Variants in LRP2 observed in about 807,000 individuals in gnomAD.
LRP2 encodes low-density lipoprotein receptor-related protein 2.
Under a neutral mutation model 531.0 loss-of-function variants are expected in LRP2, and 172 were observed. The observed-to-expected ratio is 0.32, with a 90% CI of 0.29 to 0.37. LRP2 has a LOEUF of 0.37. Among genes scored for constraint, LRP2 ranks in the 10% least tolerant of loss-of-function variants. LRP2 has a pLI of 1.00. For missense variants in LRP2, 5,167 were observed against 5,868.3 expected (o/e 0.88, Z 3.90); for synonymous variants, 1,992 against 2,027.6 (o/e 0.98, Z 0.47).
At chr2:169,152,469 C>A (rs888032075) in intron 67 of LRP2, among the ~76,000 whole-genome samples, 2 of 152,138 alleles carry the variant, frequency 1.3e-5, no homozygotes, top group Admixed American at 6.5e-5. Context: ...ATCCAGAACT[C>A]TGTTGGCAAG....
intron 21 of LRP2, 48 bp downstream of exon 21, chr2:169,246,657 C>T (rs778550700): frequency 6.2e-6 from 10 of 1,603,050 alleles, no homozygotes; most frequent in Non-Finnish European, 7.7e-6. Flanking sequence ...TAAAGCCCAC[C>T]TCTACTCTAT....
At chr2:169,178,544 C>T (rs987717705) in intron 52 of LRP2, among the ~76,000 whole-genome samples, 1 of 152,192 alleles carries the variant, frequency 6.6e-6, no homozygotes, top group Admixed American at 6.5e-5. Context: ...ACACAACTTA[C>T]AGGCCTGCAG....
chr2:169,239,831 G>C, intron 25 of LRP2, 56 bp from the exon 26 acceptor site: 1 of 1,455,994 alleles, frequency 6.9e-7, no homozygotes, highest in South Asian at 1.2e-5. Flanking sequence ...TTGCTTCTTT[G>C]ATTCACTCTT....
intron 34 of LRP2, among the ~76,000 whole-genome samples, chr2:169,218,035 A>G (rs1281748304): frequency 6.6e-6 from 1 of 152,162 alleles, no homozygotes; most frequent in African/African-American, 2.4e-5. Context: ...AGACCCTGTA[A>G]CTGCCTCAGC....
chr2:169,337,687 A>C (rs1040587268), intron 1 of LRP2, among the ~76,000 whole-genome samples: 3 of 152,236 alleles, frequency 2.0e-5, no homozygotes, highest in Non-Finnish European at 4.4e-5. Context: ...TAACTCAAAG[A>C]ACTCCTTCCA....
At position 169,206,420 on chromosome 2, in the gene LRP2, A is replaced by G; in HGVS notation, c.7300T>C (p.Tyr2434His). 6.2e-7 allele frequency: 1 copy of G among 1,614,156 alleles called. No homozygotes were observed. The highest frequency in any genetic ancestry group is 8.5e-7 in the Non-Finnish European group (1 of 1,179,980). ...CCAGAGGCTAAATTTTGTGTGAAGTAGATTCTATCACTTACACTGTCATAG... is the reference window on the plus strand; with the variant it reads ...CCAGAGGCTAAATTTTGTGTGAAGTGGATTCTATCACTTACACTGTCATAG... ...LDYDSVSDRIYFTQNLASGVG... is the reference protein window; with the variant it reads ...LDYDSVSDRIHFTQNLASGVG... The change falls in exon 39 of 79, where the codon TAC (tyrosine) becomes CAC (histidine). Residue 2434 changes from tyrosine (Y) to histidine (H), a missense_variant. This residue lies in a region of LRP2 where 2,811 missense variants were observed against 3,058.0 expected (regional missense o/e 0.92). Coordinates refer to ENST00000649046, the MANE Select transcript of LRP2 (RefSeq NM_004525.3).
chr2:169,146,863 A>G lies in LRP2; in HGVS notation c.12687T>C (p.Gly4229=), dbSNP rs140195786. ...DRNILVFEDL[G]WPTGLSIDYL... ...AATCGATAGAAAGGCCAGTTGGCCAACCAAGGTCCTCGAAAACCAGGATGT... is the reference window on the plus strand; with the variant it reads ...AATCGATAGAAAGGCCAGTTGGCCAGCCAAGGTCCTCGAAAACCAGGATGT... The change falls in exon 69 of 79, where the codon GGT becomes GGC. Residue 4229 remains glycine (G), a synonymous_variant. Coordinates refer to ENST00000649046, the MANE Select transcript of LRP2 (RefSeq NM_004525.3). The G allele has an allele frequency of 2.6e-4, 427 of 1,614,080 alleles. No individual in the cohort carries two copies. Among genetic ancestry groups the G allele is most frequent in the Non-Finnish European group, 3.3e-4 (392 of 1,180,034 alleles).
chr2:169,227,240 A>AT (rs1689233090), intron 31 of LRP2, among the ~76,000 whole-genome samples: 1 of 152,220 alleles, frequency 6.6e-6, no homozygotes, highest in African/African-American at 2.4e-5. Flanking sequence ...AGAGCCTGGC[A>AT]TAAAATAGTT....
intron 1 of LRP2, among the ~76,000 whole-genome samples, chr2:169,325,222 G>A (rs1324595991): frequency 1.3e-5 from 2 of 152,126 alleles, no homozygotes; most frequent in Non-Finnish European, 2.9e-5. Context: ...AACAGAGTAA[G>A]GTAATTTCTG....
intron 16 of LRP2, among the ~76,000 whole-genome samples, chr2:169,266,973 G>T (rs1021006098): frequency 6.8e-6 from 1 of 147,662 alleles, no homozygotes; most frequent in African/African-American, 2.5e-5. Flanking sequence ...CTGCAACCTG[G>T]ATCTCCTGGG....
At chr2:169,152,053 A>G (rs1037640128) in intron 67 of LRP2, among the ~76,000 whole-genome samples, 1 of 152,138 alleles carries the variant, frequency 6.6e-6, no homozygotes, top group Non-Finnish European at 1.5e-5. Flanking sequence ...TCAAGGAATC[A>G]TTTTCCCACC....
chr2:169,128,709 G>C lies in LRP2; in HGVS notation c.13922C>G (p.Thr4641Ser). Reference protein sequence around the residue: ...PTPTYSATEDTFKDTANLVKE... With the variant: ...PTPTYSATEDSFKDTANLVKE... ...AACAAGATTTGCGGTGTCTTTAAAA[G>C]TGTCTTCTGTTGCAGAATAGGTTGG... is the stretch of plus-strand genomic sequence containing the variant. The change falls in exon 79 of 79, where the codon ACT becomes AGT. Residue 4641 changes from threonine to serine, a missense_variant. Around this residue, in one of 6 missense-constraint regions of LRP2, gnomAD observed 348 missense variants for 369.3 expected, o/e 0.94. Transcript: ENST00000649046. The C allele has an allele frequency of 2.5e-6, 4 of 1,614,096 alleles. No individual in the cohort carries two copies. In the African/African-American group the frequency reaches 4.0e-5, roughly 16 times the overall value.
intron 1 of LRP2, among the ~76,000 whole-genome samples, chr2:169,323,099 A>G (rs1684947875): frequency 6.6e-6 from 1 of 152,184 alleles, no homozygotes; most frequent in East Asian, 1.9e-4. Flanking sequence ...ATTTAAAATC[A>G]CACATATGAA....
chr2:169,150,923 C>T lies in LRP2; in HGVS notation c.12565G>A (p.Ala4189Thr). 6.2e-7 allele frequency: 1 copy of T among 1,614,088 alleles called. No homozygotes were observed. The highest frequency in any genetic ancestry group is 1.3e-5 in the African/African-American group (1 of 75,064). ...LISTDLDQPA[A>T]IAVNPKLGLM... ...CCTAGTTTGGGATTCACAGCAATAG[C>T]AGCTGGTTGGTCCAGGTCAGTGGAA... The change falls in exon 68 of 79, where the codon GCT becomes ACT. Residue 4189 changes from alanine to threonine, a missense_variant. Ala to Thr is a moderately conservative substitution (Grantham distance 58). This residue lies in a region of LRP2 where 564 missense variants were observed against 747.7 expected (regional missense o/e 0.75). Transcript: ENST00000649046.
intron 46 of LRP2, among the ~76,000 whole-genome samples, chr2:169,196,593 A>C (rs537561611): frequency 5.3e-5 from 8 of 152,298 alleles, no homozygotes; most frequent in Admixed American, 1.3e-4. Context: ...ACTCAACCAA[A>C]TTCAGAAACT....
chr2:169,160,026 G>A (rs1686513471), intron 63 of LRP2, among the ~76,000 whole-genome samples: 1 of 152,058 alleles, frequency 6.6e-6, no homozygotes, highest in Admixed American at 6.6e-5. Flanking sequence ...ATTTTAACCC[G>A]TATAACTGAT....
intron 64 of LRP2, among the ~76,000 whole-genome samples, chr2:169,157,025 C>T (rs569951117): frequency 1.3e-5 from 2 of 152,280 alleles, no homozygotes; most frequent in South Asian, 4.1e-4. Flanking sequence ...GGTTGTTTGA[C>T]TTACAATGAA....
At chr2:169,184,088 C>A (rs543740335) in intron 50 of LRP2, among the ~76,000 whole-genome samples, 72 of 152,158 alleles carry the variant, frequency 4.7e-4, no homozygotes, top group Non-Finnish European at 9.6e-4. Context: ...GAGGAAATAG[C>A]TGAAATCCAA....
chr2:169,146,051 T>C, intron 69 of LRP2, 128 bp from the exon 70 acceptor site: 3 of 851,098 alleles, frequency 3.5e-6, no homozygotes, highest in Middle Eastern at 2.2e-4. Context: ...GCCTTGAAGC[T>C]CTGGGAATAT....
Sources: gnomAD v4.1 joint callset for allele counts (sites outside exome capture counted in the v4.1 genomes callset) on GRCh38, gnomAD v4.1.1 for gene constraint, gnomAD v4.1.1 regional missense constraint, MANE v1.5 for transcripts, NCBI Gene and HGNC (gene_info 2026-07-23, HGNC 2026-07-21) for gene names.